Variants in CACNA2D4 observed in about 807,000 individuals in gnomAD.
The protein encoded by CACNA2D4 is voltage-dependent calcium channel subunit alpha-2/delta-4.
A neutral mutation model predicts 163.8 loss-of-function variants in CACNA2D4; 157 were observed. The observed-to-expected ratio is 0.96, with a 90% CI of 0.84 to 1.09. The LOEUF is 1.09. CACNA2D4 is among the 50% of genes least tolerant of loss of function. The probability of loss-of-function intolerance (pLI) is 0.00; values close to 1 mark genes in which losing one functional copy is unlikely to be tolerated. For missense variants in CACNA2D4, 1,410 were observed against 1,479.9 expected (o/e 0.95, Z 0.78); for synonymous variants, 598 against 586.9 (o/e 1.02, Z -0.27).
chr12:1,878,805 C>T lies in CACNA2D4; in HGVS notation c.1644+151G>A. The T allele has an allele frequency of 3.0e-6, 2 of 664,892 alleles. No individual in the cohort carries two copies. The highest frequency in any genetic ancestry group is 2.6e-6 in the Non-Finnish European group (1 of 389,616). 41.2% of individuals were successfully genotyped at this position (664,892 alleles called of 1,614,324 possible). On this transcript the variant is annotated intron_variant, in intron 15 of 37. Coordinates refer to ENST00000382722, the MANE Select transcript of CACNA2D4 (RefSeq NM_172364.5). The surrounding 1 kb of genome is among the most constrained non-coding windows in gnomAD (Gnocchi z 4.6). ...GACCCAGGGGCACCAGTTGCTGCTC[C>T]CCTGCTCAGCACCTGCACTTCTTGG...
chr12:1,842,518 C>T (rs1165856266), intron 25 of CACNA2D4, among the ~76,000 whole-genome samples: 2 of 152,176 alleles, frequency 1.3e-5, no homozygotes, highest in African/African-American at 4.8e-5. Context: ...AGTGAGTGGG[C>T]TGTGGAGAGG....
chr12:1,909,441 G>A lies in CACNA2D4; in HGVS notation c.486+465C>T, dbSNP rs574015580. Among the ~76,000 whole-genome samples the A allele has an allele frequency of 1.2e-4, 19 of 152,306 alleles. No homozygotes were observed. In the South Asian group the frequency reaches 3.7e-3, roughly 30 times the overall value. ...GATCTCCTGACCTTGTGATCCACCC[G>A]CCTCAGCCTCCCAAAGTGCTGGGAT... On this transcript the variant is annotated intron_variant, in intron 4 of 37. Transcript: ENST00000382722.
At chr12:1,795,938 G>A (rs1453789118) in intron 35 of CACNA2D4, 158 bp from the exon 36 acceptor site, 5 of 631,976 alleles carry the variant, frequency 7.9e-6, no homozygotes, top group Non-Finnish European at 1.4e-5. Flanking sequence ...AACGGGCCTG[G>A]CAGATGGCTC....
chr12:1,823,385 C>T (rs1400875461), intron 26 of CACNA2D4: 1 of 152,228 alleles, frequency 6.6e-6, no homozygotes, highest in Non-Finnish European at 1.5e-5. Context: ...CTCCTGCCGT[C>T]CCAACCTAGC....
intron 35 of CACNA2D4, 180 bp from the exon 36 acceptor site, chr12:1,795,960 C>T: frequency 1.7e-6 from 1 of 605,622 alleles, no homozygotes. Context: ...GTCCTACTGG[C>T]TTTGCTCACA....
intron 26 of CACNA2D4, chr12:1,831,325 C>T (rs1479133306): frequency 6.2e-7 from 1 of 1,613,798 alleles, no homozygotes; most frequent in South Asian, 1.1e-5. Context: ...AACGGCCTGG[C>T]CCAGTTGCCC....
At chr12:1,801,774 CCT>C (rs1863342259) in intron 29 of CACNA2D4, 130 bp from the exon 30 acceptor site, 2 of 606,654 alleles carry the variant, frequency 3.3e-6, no homozygotes, top group East Asian at 5.7e-5. Context: ...CCTCTGACTG[CCT>C]CTCAGCATAA....
chr12:1,900,747 T>C (rs1051162240), intron 6 of CACNA2D4, among the ~76,000 whole-genome samples: 1 of 152,088 alleles, frequency 6.6e-6, no homozygotes, highest in South Asian at 2.1e-4. Flanking sequence ...CCCCAATACA[T>C]AACAGCTGGA....
At chr12:1,818,009 G>T (rs1187335745) in intron 26 of CACNA2D4, among the ~76,000 whole-genome samples, 7 of 151,056 alleles carry the variant, frequency 4.6e-5, no homozygotes, top group East Asian at 2.0e-4. Context: ...GAGCGCCTCT[G>T]CCCGGCCGCC....
rs370258224 is a variant in CACNA2D4 at position 1,834,326 on chromosome 12, C to A, written c.2551+6413G>T. 4 of 1,610,674 alleles carry A rather than the reference C, an allele frequency of 2.5e-6. No individual in the cohort carries two copies. The East Asian group carries it at 6.7e-5, about 27-fold the overall frequency. On this transcript the variant is annotated intron_variant, in intron 26 of 37. Coordinates refer to ENST00000382722, the MANE Select transcript of CACNA2D4 (RefSeq NM_172364.5). The surrounding 1 kb of genome is among the most constrained non-coding windows in gnomAD (Gnocchi z 7.6). ...CAAGGAGCTGAGGGGGAAGGACATG[C>A]GGATGGTCCCCATGGAGATGTTCAA...
Position 1,879,793 on chromosome 12 carries a change from C to T in CACNA2D4, c.1563+11G>A, listed in dbSNP as rs141318501. ...ATCCCTGCTACAACGTCTCCAGGAG[C>T]GGCCACTCACCGTTTCGTTCTTCTT... On this transcript the variant is annotated intron_variant, in intron 14 of 37. Transcript: ENST00000382722. The T allele has an allele frequency of 5.5e-5, 87 of 1,586,418 alleles. No individual in the cohort carries two copies. Among genetic ancestry groups the T allele is most frequent in the African/African-American group, 8.1e-5 (6 of 74,452 alleles).
chr12:1,904,444 C>A (rs1006795729), intron 6 of CACNA2D4, among the ~76,000 whole-genome samples: 1 of 151,920 alleles, frequency 6.6e-6, no homozygotes, highest in African/African-American at 2.4e-5. Flanking sequence ...ATGATTATTA[C>A]ACATTGTATG....
rs548792033 is a variant in CACNA2D4 at position 1,831,193 on chromosome 12, G to A, written c.2551+9546C>T. On this transcript the variant is annotated intron_variant, in intron 26 of 37. Transcript: ENST00000382722. Reference sequence around the variant, plus strand: ...AACAACTTCCTGGACCGGCTGCCCCGCTCCATTTTCGGGGACCTGACGAAT... The same window carrying A: ...AACAACTTCCTGGACCGGCTGCCCCACTCCATTTTCGGGGACCTGACGAAT... 2.0e-5 allele frequency: 32 copies of A among 1,613,674 alleles called. No individual in the cohort carries two copies. In the East Asian group the frequency reaches 2.2e-4, roughly 11 times the overall value.
intron 29 of CACNA2D4, chr12:1,809,380 C>T (rs1215965097): frequency 2.9e-5 from 18 of 616,718 alleles, no homozygotes; most frequent in South Asian, 1.6e-4. Context: ...TAATGGAAGT[C>T]GCTTGCCCAC....
rs1014474586 is a variant in CACNA2D4 at position 1,828,538 on chromosome 12, C to T, written c.2551+12201G>A. Among the ~76,000 whole-genome samples, 7 of 152,218 alleles carry T rather than the reference C, an allele frequency of 4.6e-5. No homozygotes were observed. The highest frequency in any genetic ancestry group is 7.3e-5 in the Non-Finnish European group (5 of 68,040). On this transcript the variant is annotated intron_variant, in intron 26 of 37. Transcript: ENST00000382722. This position sits in a 1 kb window ranked among gnomAD's most constrained non-coding sequence, Gnocchi z 4.2. ...GAGAAGAGCTCTGCTGGAATGCAGG[C>T]CTGCTGAGTCTTAAACAGCCTCACT... is the stretch of plus-strand genomic sequence containing the variant.
intron 6 of CACNA2D4, among the ~76,000 whole-genome samples, chr12:1,902,089 C>A (rs998647119): frequency 6.6e-6 from 1 of 151,848 alleles, no homozygotes; most frequent in African/African-American, 2.4e-5. Context: ...ATACATCTTA[C>A]CAACAGAAAG....
rs112586123 is a variant in CACNA2D4 at position 1,883,263 on chromosome 12, G to A, written c.1352-263C>T. Among the ~76,000 whole-genome samples, 85 of 152,324 alleles carry A rather than the reference G, an allele frequency of 5.6e-4. No individual in the cohort carries two copies. Among genetic ancestry groups the A allele is most frequent in the Middle Eastern group, 6.8e-3 (2 of 294 alleles). ...ACCCAGAGCTCCGGAAGGAGCAGCA[G>A]GGCCTGACGCAAGAGTGTTGGGGGT... is the stretch of plus-strand genomic sequence containing the variant. On this transcript the variant is annotated intron_variant, in intron 12 of 37. Coordinates refer to ENST00000382722, the MANE Select transcript of CACNA2D4 (RefSeq NM_172364.5). The surrounding 1 kb of genome is among the most constrained non-coding windows in gnomAD (Gnocchi z 4.5).
chr12:1,804,671 G>T (rs1365661206), intron 29 of CACNA2D4, among the ~76,000 whole-genome samples: 4 of 152,242 alleles, frequency 2.6e-5, no homozygotes, highest in Non-Finnish European at 5.9e-5. Flanking sequence ...GCAGGGACTG[G>T]CCAATGGAAT....
chr12:1,865,162 G>A (rs1865618213), intron 18 of CACNA2D4, among the ~76,000 whole-genome samples: 1 of 152,236 alleles, frequency 6.6e-6, no homozygotes, highest in Admixed American at 6.5e-5. Context: ...CGGCGCCGTG[G>A]CGGGGAAGGC....
Sources: allele counts gnomAD v4.1 joint callset (sites outside exome capture counted in the v4.1 genomes callset), GRCh38; gene constraint gnomAD v4.1.1; non-coding constraint Gnocchi (gnomAD v3.1); transcripts MANE v1.5; gene names NCBI Gene and HGNC (gene_info 2026-07-23, HGNC 2026-07-21).